HACL2: variants seen among roughly 807,000 people sequenced by gnomAD.
HACL2 encodes the protein 2-hydroxyacyl-CoA lyase 1 like.
chr19:15,118,595 C>G, the HACL2 span, among the ~76,000 whole-genome samples: 29 of 152,248 alleles, frequency 1.9e-4, no homozygotes, highest in South Asian at 2.9e-3. Flanking sequence ...CCCCACCCCC[C>G]ATTCCTGCAG....
the HACL2 span, chr19:15,116,377 C>T: frequency 3.1e-6 from 5 of 1,613,730 alleles, no homozygotes; most frequent in Middle Eastern, 3.3e-4. Flanking sequence ...CCGGGAACCC[C>T]CTTCCCACAT....
chr19:15,115,685 A>AT, the HACL2 span: 1 of 1,608,968 alleles, frequency 6.2e-7, no homozygotes, highest in South Asian at 1.1e-5. Flanking sequence ...CAGGAAGATG[A>AT]TGAAGGCAGG....
At chr19:15,123,496 C>T in the HACL2 span, 7 of 1,614,182 alleles carry the variant, frequency 4.3e-6, no homozygotes, top group African/African-American at 1.3e-5. This position sits in a 1 kb window ranked among gnomAD's most constrained non-coding sequence, Gnocchi z 5.1. Flanking sequence ...CACCGACCAG[C>T]GTGAAGATGA....
At chr19:15,125,005 G>A in the HACL2 span, 5 of 1,591,278 alleles carry the variant, frequency 3.1e-6, no homozygotes, top group African/African-American at 1.3e-5. Context: ...CAGGCCAGGA[G>A]CAGGAAGGAG....
At chr19:15,115,118 A>G in the HACL2 span, 1 of 1,021,612 alleles carries the variant, frequency 9.8e-7, no homozygotes, top group Admixed American at 1.9e-5. Flanking sequence ...TGACCCCTCC[A>G]TCCCCTCCTC....
chr19:15,125,209 G>A, the HACL2 span: 16 of 826,050 alleles, frequency 1.9e-5, no homozygotes, highest in African/African-American at 8.7e-5. Flanking sequence ...AACCCTGCCA[G>A]ACCACGCCCT....
the HACL2 span, chr19:15,117,775 G>T: frequency 1.5e-6 from 2 of 1,341,026 alleles, no homozygotes; most frequent in Non-Finnish European, 1.1e-6. Context: ...CTAGGGCAAG[G>T]TCTGGGCCTC....
At chr19:15,123,256 G>C in the HACL2 span, 21 of 1,612,942 alleles carry the variant, frequency 1.3e-5, no homozygotes, top group African/African-American at 2.7e-4. The surrounding 1 kb of genome is among the most constrained non-coding windows in gnomAD (Gnocchi z 5.1). Context: ...GGAACACAGA[G>C]CCCATCACAG....
chr19:15,119,529 T>C, the HACL2 span: 1 of 1,608,136 alleles, frequency 6.2e-7, no homozygotes, highest in Non-Finnish European at 8.5e-7. Context: ...GAGCGAGAGG[T>C]GGGGATCAAA....
chr19:15,123,540 C>A, the HACL2 span: 7 of 1,614,008 alleles, frequency 4.3e-6, no homozygotes, highest in Non-Finnish European at 5.9e-6. This position sits in a 1 kb window ranked among gnomAD's most constrained non-coding sequence, Gnocchi z 5.1. Context: ...ACAGCGGCCA[C>A]GTTCTCTCCG....
At chr19:15,115,166 C>A in the HACL2 span, 1 of 1,519,548 alleles carries the variant, frequency 6.6e-7, no homozygotes, top group East Asian at 2.3e-5. Flanking sequence ...ATGGGATAGG[C>A]CCAGGGCAAG....
the HACL2 span, chr19:15,123,557 C>T: frequency 2.0e-5 from 33 of 1,613,862 alleles, no homozygotes; most frequent in Middle Eastern, 1.6e-4. The surrounding 1 kb of genome is among the most constrained non-coding windows in gnomAD (Gnocchi z 5.1). Flanking sequence ...TCCGCCATGC[C>T]GGACGCTTGC....
At chr19:15,123,713 C>A in the HACL2 span, 1 of 691,988 alleles carries the variant, frequency 1.4e-6, no homozygotes, top group Non-Finnish European at 2.4e-6. The surrounding 1 kb of genome is among the most constrained non-coding windows in gnomAD (Gnocchi z 5.1). Flanking sequence ...CTTGGTTAGG[C>A]ATATATTATA....
chr19:15,117,016 T>C, the HACL2 span: 1 of 172,892 alleles, frequency 5.8e-6, no homozygotes, highest in Non-Finnish European at 1.2e-5. Flanking sequence ...TCAGGCCTCC[T>C]CGCTTCTGTC....
chr19:15,124,750 C>G, the HACL2 span: 1 of 889,918 alleles, frequency 1.1e-6, no homozygotes, highest in African/African-American at 1.7e-5. Flanking sequence ...AAGTCCAGGC[C>G]TCCATACACA....
the HACL2 span, chr19:15,123,074 C>G: frequency 6.2e-7 from 1 of 1,610,796 alleles, no homozygotes; most frequent in Non-Finnish European, 8.5e-7. The surrounding 1 kb of genome is among the most constrained non-coding windows in gnomAD (Gnocchi z 5.1). Flanking sequence ...ATGAGCCCTT[C>G]AAGCCCCCCT....
the HACL2 span, chr19:15,119,312 C>T: frequency 6.2e-7 from 1 of 1,601,884 alleles, no homozygotes; most frequent in Non-Finnish European, 8.5e-7. Flanking sequence ...CCTGGGAGTC[C>T]AGGCAGAGCA....
chr19:15,115,899 C>T, the HACL2 span: 1 of 1,614,136 alleles, frequency 6.2e-7, no homozygotes, highest in African/African-American at 1.3e-5. Flanking sequence ...GCCAAAAGCT[C>T]CGTCCCCAAA....
chr19:15,123,634 G>A, the HACL2 span: 3 of 1,526,782 alleles, frequency 2.0e-6, no homozygotes, highest in South Asian at 3.4e-5. The surrounding 1 kb of genome is among the most constrained non-coding windows in gnomAD (Gnocchi z 5.1). Context: ...GGGCAGCTGG[G>A]AAAGGGGGCA....
Sources: gnomAD v4.1 joint callset for allele counts (sites outside exome capture counted in the v4.1 genomes callset) on GRCh38, gnomAD v4.1.1 for gene constraint, Gnocchi (gnomAD v3.1) non-coding constraint, MANE v1.5 for transcripts, NCBI Gene and HGNC (gene_info 2026-07-23, HGNC 2026-07-21) for gene names.